PLXNA4: variants seen among roughly 807,000 people sequenced by gnomAD.
The protein encoded by PLXNA4 is plexin-A4.
A neutral mutation model predicts 191.8 loss-of-function variants in PLXNA4; 44 were observed. The observed-to-expected ratio is 0.23, with a 90% confidence interval of 0.18 to 0.29. The LOEUF is 0.29. PLXNA4 is among the 10% of genes least tolerant of loss of function. The probability of loss-of-function intolerance (pLI) is 1.00; values close to 1 mark genes in which losing one functional copy is unlikely to be tolerated. For synonymous variants in PLXNA4, 1,082 were observed against 1,009.5 expected, an observed-to-expected ratio of 1.07 and a Z score of -1.36; for missense variants, 1,800 against 2,488.8, an observed-to-expected ratio of 0.72 and a Z score of 5.89.
At chr7:132,614,865 A>C (rs1803120847) in intron 2 of PLXNA4, among the ~76,000 whole-genome samples, 1 of 152,212 alleles carries the variant, frequency 6.6e-6, no homozygotes, top group East Asian at 1.9e-4. Context: ...GCAGATGTGC[A>C]GAGAGGCGGA....
intron 3 of PLXNA4, among the ~76,000 whole-genome samples, chr7:132,320,157 C>T (rs559510900): frequency 1.2e-4 from 19 of 152,278 alleles, no homozygotes; most frequent in African/African-American, 3.1e-4. Context: ...ATTCATTTGC[C>T]GGGGGTGCCA....
intron 2 of PLXNA4, among the ~76,000 whole-genome samples, chr7:132,636,783 T>C (rs1803617589): frequency 6.6e-6 from 1 of 152,200 alleles, no homozygotes; most frequent in African/African-American, 2.4e-5. Flanking sequence ...CTTCATTCTC[T>C]TCCTGAAATG....
intron 4 of PLXNA4, among the ~76,000 whole-genome samples, chr7:132,292,372 T>C (rs1031602530): frequency 2.0e-5 from 3 of 152,106 alleles, no homozygotes; most frequent in African/African-American, 7.2e-5. Flanking sequence ...GAGCAGCCCC[T>C]GCCCACCAAA....
chr7:132,462,023 T>C (rs191985649), intron 3 of PLXNA4, among the ~76,000 whole-genome samples: 17 of 152,348 alleles, frequency 1.1e-4, no homozygotes, highest in African/African-American at 4.1e-4. Flanking sequence ...ATTTCAATTA[T>C]AACATAGTAG....
intron 4 of PLXNA4, among the ~76,000 whole-genome samples, chr7:132,289,113 T>G (rs779005630): frequency 1.7e-4 from 26 of 152,198 alleles, no homozygotes; most frequent in Non-Finnish European, 3.1e-4. Context: ...ACAATCACGA[T>G]GCCTCCTCTC....
intron 4 of PLXNA4, among the ~76,000 whole-genome samples, chr7:132,255,979 C>T (rs1285156883): frequency 2.0e-5 from 3 of 152,224 alleles, no homozygotes; most frequent in Non-Finnish European, 4.4e-5. Context: ...CAGGGTCTCC[C>T]CTGACCTCTG....
Position 132,148,538 on chromosome 7 carries a change from C to G in PLXNA4, c.4764+5G>C. 1 of 1,614,080 alleles carries G rather than the reference C, an allele frequency of 6.2e-7. No individual in the cohort carries two copies. Among genetic ancestry groups the G allele is most frequent in the African/African-American group, 1.3e-5 (1 of 75,040 alleles). On this transcript the variant is annotated splice_donor_5th_base_variant and intron_variant, in intron 26 of 31. Transcript: ENST00000321063. ...TAGCTCCTCCCCTTTCCACATTCCC[C>G]TCACCTGGTAGTGGGCCAGTGTGTT...
At chr7:132,404,106 C>A (rs1157514303) in intron 3 of PLXNA4, among the ~76,000 whole-genome samples, 1 of 152,104 alleles carries the variant, frequency 6.6e-6, no homozygotes, top group Non-Finnish European at 1.5e-5. Flanking sequence ...CCCCAAGCAC[C>A]TCCATAACAC....
At chr7:132,324,247 A>C (rs1802278466) in intron 3 of PLXNA4, among the ~76,000 whole-genome samples, 1 of 152,110 alleles carries the variant, frequency 6.6e-6, no homozygotes, top group Admixed American at 6.5e-5. Context: ...AAAAGAGAAA[A>C]ATTTAAAAGA....
At chr7:132,303,193 A>G (rs1258451293) in intron 3 of PLXNA4, among the ~76,000 whole-genome samples, 1 of 151,680 alleles carries the variant, frequency 6.6e-6, no homozygotes, top group Non-Finnish European at 1.5e-5. Flanking sequence ...ATTTTTACAT[A>G]GTATAGATAC....
chr7:132,605,130 C>G (rs1480349672), intron 2 of PLXNA4, among the ~76,000 whole-genome samples: 2 of 152,210 alleles, frequency 1.3e-5, no homozygotes, highest in Non-Finnish European at 2.9e-5. Flanking sequence ...GAGATTGGCA[C>G]TGTTCTTATC....
intron 2 of PLXNA4, among the ~76,000 whole-genome samples, chr7:132,606,142 C>T (rs1158177696): frequency 6.6e-5 from 10 of 152,222 alleles, no homozygotes; most frequent in South Asian, 4.2e-4. Context: ...CCAGCCTAGG[C>T]GACACAGCAA....
chr7:132,143,554 A>T (rs566934962), intron 29 of PLXNA4, among the ~76,000 whole-genome samples: 94 of 151,904 alleles, frequency 6.2e-4, no homozygotes, highest in African/African-American at 1.3e-3. Context: ...ATTTTTTTTT[A>T]AAAATTTCCT....
rs115313216 is a variant in PLXNA4, at chr7:132,598,972, G to T, written c.-87+46956C>A. Reference sequence around the variant, plus strand: ...ATGTGGCATTAGGTAGGGAACTAGTGTAATGGTTATCTGTATGGTAAGTAA... The same window carrying T: ...ATGTGGCATTAGGTAGGGAACTAGTTTAATGGTTATCTGTATGGTAAGTAA... On this transcript the variant is annotated intron_variant, in intron 2 of 4. Transcript: ENST00000378539. Among the ~76,000 whole-genome samples the T allele has an allele frequency of 6.5e-3, 984 of 152,308 alleles. 17 individuals are homozygous for T. The highest frequency in any genetic ancestry group is 0.022 in the African/African-American group (902 of 41,572).
At chr7:132,188,554 C>T (rs1287021247) in intron 14 of PLXNA4, among the ~76,000 whole-genome samples, 2 of 152,156 alleles carry the variant, frequency 1.3e-5, no homozygotes, top group Non-Finnish European at 2.9e-5. Context: ...GCACATGCGC[C>T]TCCAGGTCCA....
intron 3 of PLXNA4, among the ~76,000 whole-genome samples, chr7:132,309,523 C>T (rs997819041): frequency 1.3e-5 from 2 of 152,150 alleles, no homozygotes; most frequent in East Asian, 3.9e-4. Context: ...GGGAGGCTAC[C>T]TCCTCTCCTC....
rs1208737688 is a variant in PLXNA4, at chr7:132,125,153, T to C, written c.*5326A>G. The C allele has an allele frequency of 2.0e-5, 3 of 152,124 alleles. No homozygotes were observed. The East Asian group carries it at 5.8e-4, about 29-fold the overall frequency. The allele number at this position is 152,124 out of a possible 1,614,324, so 9.4% of individuals were successfully genotyped here. A position where few individuals can be genotyped will look rare whatever the true frequency, so the allele number is the denominator to read the frequency against. The stretch of plus-strand genomic sequence containing the variant: ...CAAGAGCATGCCACCCTTAGCACCA[T>C]GAGGAGAGGTTTGCAGAGTGTCCCA... On this transcript the variant is annotated 3_prime_UTR_variant, in exon 32 of 32. Transcript: ENST00000321063.
At chr7:132,488,620 C>G (rs563466291) in intron 3 of PLXNA4, among the ~76,000 whole-genome samples, 213 of 152,292 alleles carry the variant, frequency 1.4e-3, no homozygotes, top group African/African-American at 4.9e-3. Flanking sequence ...GATGAGAAGC[C>G]TGAACACAAA....
At chr7:132,208,296 C>T (rs1797691131) in intron 10 of PLXNA4, among the ~76,000 whole-genome samples, 1 of 152,224 alleles carries the variant, frequency 6.6e-6, no homozygotes, top group Admixed American at 6.5e-5. Context: ...CTGAGGGGCA[C>T]ACCTTCTGTT....
Sources: gnomAD v4.1 joint callset for allele counts (sites outside exome capture counted in the v4.1 genomes callset) on GRCh38, gnomAD v4.1.1 for gene constraint, MANE v1.5 for transcripts, NCBI Gene and HGNC (gene_info 2026-07-23, HGNC 2026-07-21) for gene names.